The following TSPEAR variants were observed in gnomAD, a reference collection of about 807,000 sequenced individuals.
The protein encoded by TSPEAR is thrombospondin-type laminin G domain and EAR repeat-containing protein.
A neutral mutation model predicts 71.6 loss-of-function variants in TSPEAR; 69 were observed. The observed-to-expected ratio is 0.96, with a 90% confidence interval of 0.79 to 1.18. TSPEAR has a LOEUF of 1.18. Ranked by LOEUF, TSPEAR falls within the 50% of genes most tolerant of loss-of-function variation. The pLI is 0.00. For missense variants in TSPEAR, 971 were observed against 894.9 expected (o/e 1.09, Z -1.09); for synonymous variants, 402 against 387.2 (o/e 1.04, Z -0.45).
intron 1 of TSPEAR, chr21:44,681,908 G>A: frequency 1.2e-6 from 2 of 1,614,162 alleles, no homozygotes; most frequent in Non-Finnish European, 1.7e-6. Context: ...AGCACCCAGA[G>A]GACTGGCAGG....
rs369885256 is a variant in TSPEAR at position 44,601,628 on chromosome 21, A to G, written c.83-33623T>C. The G allele has an allele frequency of 6.2e-5, 100 of 1,611,640 alleles. No individual in the cohort carries two copies. In the African/African-American group the frequency reaches 1.2e-3, roughly 19 times the overall value. On this transcript the variant is annotated intron_variant, in intron 1 of 11. Transcript: ENST00000323084. ...TGCTGCGCCCCCACCTCCTCCTGCC[A>G]GGCCAGCTGCTGCCGCCCAGCCTCC... is the stretch of plus-strand genomic sequence containing the variant.
chr21:44,641,564 C>A (rs1353991332), intron 1 of TSPEAR, among the ~76,000 whole-genome samples: 1 of 151,944 alleles, frequency 6.6e-6, no homozygotes, highest in Non-Finnish European at 1.5e-5. Context: ...GGGAGAAAAT[C>A]CAAGAATGGA....
intron 2 of TSPEAR, among the ~76,000 whole-genome samples, chr21:44,547,427 A>G (rs587608752): frequency 6.6e-6 from 1 of 152,180 alleles, no homozygotes; most frequent in Admixed American, 6.5e-5. Context: ...TCCCCCCATG[A>G]GTAGCTCATA....
Position 44,509,187 on chromosome 21 carries a change from G to A in TSPEAR, c.1754+12C>T, listed in dbSNP as rs1217917978. ...ATCAGCCCACCTCCCACTGGCCTGT[G>A]GAGGCGCATACCTGCAGGTGAGAAT... On this transcript the variant is annotated intron_variant, in intron 10 of 11. Transcript: ENST00000323084. 9 of 1,611,660 alleles carry A rather than the reference G, an allele frequency of 5.6e-6. No homozygotes were observed. In the East Asian group the frequency reaches 1.8e-4, roughly 32 times the overall value.
intron 1 of TSPEAR, chr21:44,697,404 A>G: frequency 6.2e-7 from 1 of 1,613,596 alleles, no homozygotes. Context: ...GTGACCTGTG[A>G]GCCCAGCCCC....
chr21:44,570,602 A>C (rs781913487), intron 1 of TSPEAR, among the ~76,000 whole-genome samples: 1 of 152,222 alleles, frequency 6.6e-6, no homozygotes, highest in Non-Finnish European at 1.5e-5. Flanking sequence ...GCTGCTTTGA[A>C]AAGAAGAAAG....
At chr21:44,661,944 A>G (rs1190641356) in intron 1 of TSPEAR, among the ~76,000 whole-genome samples, 2 of 152,204 alleles carry the variant, frequency 1.3e-5, no homozygotes, top group Non-Finnish European at 2.9e-5. Context: ...ACAATTCAAC[A>G]TGAGATTTGG....
chr21:44,655,147 A>G (rs1205699977), intron 1 of TSPEAR, among the ~76,000 whole-genome samples: 3 of 152,230 alleles, frequency 2.0e-5, no homozygotes, highest in African/African-American at 7.2e-5. Context: ...TGATTATCTC[A>G]TTCATCTTTG....
chr21:44,578,195 G>A (rs1473154859), intron 1 of TSPEAR, among the ~76,000 whole-genome samples: 1 of 152,012 alleles, frequency 6.6e-6, no homozygotes, highest in Non-Finnish European at 1.5e-5. Flanking sequence ...CATCAGGAAT[G>A]AATAAAAGGT....
intron 1 of TSPEAR, among the ~76,000 whole-genome samples, chr21:44,672,129 G>T (rs1452499693): frequency 2.0e-5 from 3 of 152,040 alleles, no homozygotes; most frequent in African/African-American, 4.8e-5. Flanking sequence ...GTTGAAGACT[G>T]GTCTTTTGAA....
intron 1 of TSPEAR, among the ~76,000 whole-genome samples, chr21:44,570,849 G>A (rs587724329): frequency 6.6e-6 from 1 of 152,160 alleles, no homozygotes; most frequent in African/African-American, 2.4e-5. Context: ...AGGCTGATAA[G>A]GGAACTCCAT....
At chr21:44,639,339 C>T (rs1050032571) in intron 1 of TSPEAR, among the ~76,000 whole-genome samples, 9 of 152,212 alleles carry the variant, frequency 5.9e-5, no homozygotes, top group Admixed American at 2.0e-4. Flanking sequence ...AGCGCACGTC[C>T]GGCTCCAGCA....
rs2052197954 is a variant in TSPEAR at position 44,506,239 on chromosome 21, AG to A, written c.1755-1359del. On this transcript the variant is annotated intron_variant, in intron 10 of 11. Transcript: ENST00000323084. The surrounding 1 kb of genome is among the most constrained non-coding windows in gnomAD (Gnocchi z 4.2). Reference sequence around the variant, plus strand: ...GGGATGGCTCGGTTTGAGGGGTCTGAGGAGCGGCTCCCCTGGATCCTTTCCT... The same window carrying A: ...GGGATGGCTCGGTTTGAGGGGTCTGAGAGCGGCTCCCCTGGATCCTTTCCT... 6.6e-6 allele frequency among the ~76,000 whole-genome samples: 1 copy of A among 152,218 alleles called. No individual in the cohort carries two copies. Among genetic ancestry groups the A allele is most frequent in the Non-Finnish European group, 1.5e-5 (1 of 68,024 alleles).
chr21:44,666,593 G>T, intron 1 of TSPEAR: 1 of 1,612,736 alleles, frequency 6.2e-7, no homozygotes, highest in Non-Finnish European at 8.5e-7. Flanking sequence ...ACTGGCAGGA[G>T]GGGGCTGCAC....
intron 1 of TSPEAR, among the ~76,000 whole-genome samples, chr21:44,698,760 A>G (rs1987508368): frequency 6.6e-6 from 1 of 152,234 alleles, no homozygotes; most frequent in South Asian, 2.1e-4. Context: ...CCACCTCTCC[A>G]GATCCAGAAG....
chr21:44,631,775 C>T (rs1364917399), intron 1 of TSPEAR, among the ~76,000 whole-genome samples: 1 of 152,098 alleles, frequency 6.6e-6, no homozygotes, highest in Non-Finnish European at 1.5e-5. Flanking sequence ...GTTTAACTGG[C>T]CTGTAGGACA....
intron 10 of TSPEAR, 65 bp from the exon 11 acceptor site, chr21:44,504,946 C>CA (rs1258222270): frequency 2.2e-5 from 29 of 1,312,882 alleles, no homozygotes; most frequent in Non-Finnish European, 3.1e-5. Flanking sequence ...GGGGATTGGC[C>CA]AGAAGCTACC....
chr21:44,638,102 C>G, intron 1 of TSPEAR: 1 of 1,613,626 alleles, frequency 6.2e-7, no homozygotes, highest in Non-Finnish European at 8.5e-7. Context: ...CTGTGTTTCC[C>G]TCCTCTGCCG....
At chr21:44,639,576 TG>T (rs755372718) in intron 1 of TSPEAR, among the ~76,000 whole-genome samples, 148 of 152,146 alleles carry the variant, frequency 9.7e-4, no homozygotes, top group Non-Finnish European at 1.6e-3. Flanking sequence ...AAAGGACAAA[TG>T]GGGGCCTCCA....
Sources: gnomAD v4.1 joint callset for allele counts (sites outside exome capture counted in the v4.1 genomes callset) on GRCh38, gnomAD v4.1.1 for gene constraint, Gnocchi (gnomAD v3.1) non-coding constraint, MANE v1.5 for transcripts, NCBI Gene and HGNC (gene_info 2026-07-23, HGNC 2026-07-21) for gene names.